Variants in IFT172 observed in about 807,000 individuals in gnomAD.
IFT172 encodes the protein intraflagellar transport protein 172 homolog.
IFT172 carries 164 observed loss-of-function variants against 248.9 expected under a neutral mutation model. The ratio of observed to expected loss-of-function variants is 0.66; its 90% confidence interval spans 0.58 to 0.75. IFT172 has a LOEUF of 0.75. IFT172 is among the 30% of genes least tolerant of loss of function. The probability of loss-of-function intolerance (pLI) is 0.00; values close to 1 mark genes in which losing one functional copy is unlikely to be tolerated. For synonymous variants in IFT172, 729 were observed against 791.6 expected (o/e 0.92, Z 1.33); for missense variants, 1,950 against 2,192.4 (o/e 0.89, Z 2.21).
chr2:27,477,461 T>C, intron 12 of IFT172, 98 bp downstream of exon 12: 2 of 1,212,324 alleles, frequency 1.6e-6, no homozygotes, highest in Non-Finnish European at 2.5e-6. Flanking sequence ...TGTTTCTTTA[T>C]CTGCTGTTTC....
At chr2:27,488,000 T>C (rs1273765778) in intron 1 of IFT172, among the ~76,000 whole-genome samples, 1 of 151,910 alleles carries the variant, frequency 6.6e-6, no homozygotes, top group African/African-American at 2.4e-5. Flanking sequence ...TATTTATTTT[T>C]AAGACACAGC....
Position 27,453,391 on chromosome 2 carries a change from C to T in IFT172, c.3944G>A (p.Trp1315Ter), listed in dbSNP as rs778898472. 2 of 1,614,210 alleles carry T rather than the reference C, an allele frequency of 1.2e-6. No individual in the cohort carries two copies. The highest frequency in any genetic ancestry group is 1.7e-6 in the Non-Finnish European group (2 of 1,180,042). Residue 1315 changes from tryptophan (W) to a stop codon, truncating the protein, a stop_gained, in exon 35 of 48, where the codon TGG becomes TAG. Coordinates refer to ENST00000260570, the MANE Select transcript of IFT172 (RefSeq NM_015662.3). LOFTEE classifies it high-confidence loss of function. ...AGGGCCTGCTGTCCTCACCTTCATCCAGCACTTCTCCGCCAGGCCGCTGTT... is the reference window on the plus strand; with the variant it reads ...AGGGCCTGCTGTCCTCACCTTCATCTAGCACTTCTCCGCCAGGCCGCTGTT... ...SGNSGLAEKC[W>*]MKAAELSIKF... is the part of the protein sequence containing the mutation.
At chr2:27,487,482 T>C (rs1198018365) in intron 1 of IFT172, among the ~76,000 whole-genome samples, 1 of 152,248 alleles carries the variant, frequency 6.6e-6, no homozygotes, top group Admixed American at 6.5e-5. Context: ...CTGAGGTAGA[T>C]GCTATTATTA....
Position 27,453,654 on chromosome 2 carries a change from C to G in IFT172, c.3797G>C (p.Arg1266Pro). 6.2e-7 allele frequency: 1 copy of G among 1,611,964 alleles called. No homozygotes were observed. The highest frequency in any genetic ancestry group is 2.2e-5 in the East Asian group (1 of 44,854). ...CCTGGCCCCCTTCTTAGTAGCTTCC[C>G]GCTCATATTCTTCCTGCAGAGCCTC... is the stretch of plus-strand genomic sequence containing the variant. ...QLEALQEEYE[R>P]EATKKGARGV... Residue 1266 changes from arginine to proline, a missense_variant, in exon 34 of 48, where the codon CGG becomes CCG. Physicochemically the swap from Arg to Pro is moderately radical, Grantham distance 103 (BLOSUM62 -2). Coordinates refer to ENST00000260570, the MANE Select transcript of IFT172 (RefSeq NM_015662.3).
Position 27,454,110 on chromosome 2 carries a change from C to G in IFT172, c.3583G>C (p.Asp1195His). The G allele has an allele frequency of 6.2e-7, 1 of 1,613,960 alleles. No individual in the cohort carries two copies. The highest frequency in any genetic ancestry group is 8.5e-7 in the Non-Finnish European group (1 of 1,179,972). The change falls in exon 33 of 48, where the codon GAC becomes CAC. Residue 1195 changes from aspartate to histidine, a missense_variant. Around this residue, in one of 3 missense-constraint regions of IFT172, gnomAD observed 620 missense variants for 699.0 expected, o/e 0.89. Transcript: ENST00000260570. This position sits in a 1 kb window ranked among gnomAD's most constrained non-coding sequence, Gnocchi z 4.2. ...AGCACCTCGGCGACACTGTCAGGGTCGTGAGCCTCAGCCACACGCTGAGCT... is the reference window on the plus strand; with the variant it reads ...AGCACCTCGGCGACACTGTCAGGGTGGTGAGCCTCAGCCACACGCTGAGCT... ...EAAQRVAEAH[D>H]PDSVAEVLVG...
intron 9 of IFT172, 135 bp downstream of exon 9, chr2:27,479,891 G>T: frequency 7.9e-7 from 1 of 1,263,156 alleles, no homozygotes; most frequent in Non-Finnish European, 1.1e-6. Flanking sequence ...TGCCTTTAAT[G>T]CCAGAATTTT....
chr2:27,461,822 C>T lies in IFT172; in HGVS notation c.2130G>A (p.Glu710=), dbSNP rs767432578. Residue 710 remains glutamate, a synonymous_variant, in exon 21 of 48, where the codon GAG becomes GAA. Transcript: ENST00000260570. ...GTAGCTCCTGGTACATGCCCATGGC[C>T]TCCTCCACAGCATTCTAGGGGAAAC... ...MIFLEQNAVE[E]AMGMYQELHR... is the part of the protein sequence containing the mutation. 6.2e-7 allele frequency: 1 copy of T among 1,614,130 alleles called. No individual in the cohort carries two copies. The highest frequency in any genetic ancestry group is 1.7e-5 in the Admixed American group (1 of 60,024).
At chr2:27,460,857 A>G (rs1182275372) in intron 23 of IFT172, among the ~76,000 whole-genome samples, 158 bp downstream of exon 23, 1 of 147,084 alleles carries the variant, frequency 6.8e-6, no homozygotes, top group African/African-American at 2.5e-5. Context: ...CTTTCTCTAT[A>G]CTTTGTCTCT....
intron 23 of IFT172, 67 bp from the exon 24 acceptor site, chr2:27,459,896 AG>A: frequency 6.3e-7 from 1 of 1,588,330 alleles, no homozygotes; most frequent in Non-Finnish European, 8.5e-7. Flanking sequence ...AAGGTAGGAC[AG>A]GGAGATGAAG....
At chr2:27,487,453 C>A (rs1254474881) in intron 1 of IFT172, among the ~76,000 whole-genome samples, 1 of 152,196 alleles carries the variant, frequency 6.6e-6, no homozygotes, top group Non-Finnish European at 1.5e-5. Context: ...CAAGCATAAT[C>A]TCATTTTACC....
At chr2:27,479,402 G>A (rs1195497254) in intron 10 of IFT172, 107 bp downstream of exon 10, 1 of 722,438 alleles carries the variant, frequency 1.4e-6, no homozygotes, top group Non-Finnish European at 2.5e-6. Flanking sequence ...CTTCCAGAGG[G>A]ATGAAGATTA....
At chr2:27,488,915 G>T (rs554032472) in intron 1 of IFT172, among the ~76,000 whole-genome samples, 1 of 152,210 alleles carries the variant, frequency 6.6e-6, no homozygotes, top group Non-Finnish European at 1.5e-5. Context: ...GCTAGCGCAC[G>T]TCTGTAATCC....
intron 1 of IFT172, among the ~76,000 whole-genome samples, chr2:27,487,341 AC>A (rs2148563135): frequency 6.6e-6 from 1 of 152,304 alleles, no homozygotes; most frequent in Admixed American, 6.5e-5. Context: ...TACAATATGT[AC>A]CTCACTAGAT....
rs913320299 is a variant in IFT172 at position 27,457,406 on chromosome 2, C to T, written c.3228+233G>A. Among the ~76,000 whole-genome samples, 3 of 152,094 alleles carry T rather than the reference C, an allele frequency of 2.0e-5. No individual in the cohort carries two copies. The South Asian group carries it at 6.2e-4, about 32-fold the overall frequency. ...GCAACATGGTGAAAACTTGTCTCTA[C>T]AAAAAAATTAAAAAATTAGCCAGCT... On this transcript the variant is annotated intron_variant, in intron 29 of 47. Transcript: ENST00000260570.
At chr2:27,473,180 A>G (rs1408559562) in intron 14 of IFT172, among the ~76,000 whole-genome samples, 2 of 151,622 alleles carry the variant, frequency 1.3e-5, no homozygotes, top group East Asian at 4.0e-4. Flanking sequence ...CAGCCTGGCC[A>G]ACATGGTGAA....
At chr2:27,469,701 A>G (rs530473092) in intron 16 of IFT172, among the ~76,000 whole-genome samples, 1 of 152,304 alleles carries the variant, frequency 6.6e-6, no homozygotes, top group East Asian at 1.9e-4. Context: ...GCATGGTGAC[A>G]GGTACCTGTA....
In IFT172 at chr2:27,468,862, GA is replaced by G. The variant is rs76677863; in HGVS notation, c.1692+2065del. ...ACACTCCGTCTCAAAAAAAAAAAAA[GA>G]AAAAAAAAAAGAGAAACCAAAGAGA... is the stretch of plus-strand genomic sequence containing the variant. On this transcript the variant is annotated intron_variant, in intron 16 of 47. Transcript: ENST00000260570. 2.0e-3 allele frequency among the ~76,000 whole-genome samples: 250 copies of G among 127,904 alleles called. 2 individuals are homozygous for G. Among genetic ancestry groups the G allele is most frequent in the African/African-American group, 6.0e-3 (210 of 34,796 alleles). 83.9% of individuals were successfully genotyped at this position (127,904 alleles called of 152,430 possible). A position where few individuals can be genotyped will look rare whatever the true frequency, so the allele number is the denominator to read the frequency against.
rs139560074 is a variant in IFT172, at chr2:27,449,331, C to T, written c.4274G>A (p.Gly1425Asp). Reference sequence around the variant, plus strand: ...TGTTTCAATGCACTTGTCCCACTGGCCCTGCTCCACATACAGGTCCAAAGC... The same window carrying T: ...TGTTTCAATGCACTTGTCCCACTGGTCCTGCTCCACATACAGGTCCAAAGC... ...IAALDLYVEQGQWDKCIETAT... is the reference protein window; with the variant it reads ...IAALDLYVEQDQWDKCIETAT... The change falls in exon 39 of 48, where the codon GGC becomes GAC. Residue 1425 changes from glycine to aspartate, a missense_variant. By Grantham distance (94) the Gly-to-Asp change is moderately conservative. Transcript: ENST00000260570. 1.7e-4 allele frequency: 267 copies of T among 1,614,096 alleles called. No individual in the cohort carries two copies. The African/African-American group carries it at 3.1e-3, about 19-fold the overall frequency.
chr2:27,466,373 T>A (rs910309569), intron 16 of IFT172, among the ~76,000 whole-genome samples: 1 of 152,194 alleles, frequency 6.6e-6, no homozygotes, highest in East Asian at 1.9e-4. Context: ...ACAGTTGTCC[T>A]GAAAGCAAAT....
Sources: allele counts gnomAD v4.1 joint callset (sites outside exome capture counted in the v4.1 genomes callset), GRCh38; gene constraint gnomAD v4.1.1; regional missense constraint gnomAD v4.1.1; non-coding constraint Gnocchi (gnomAD v3.1); transcripts MANE v1.5; gene names NCBI Gene and HGNC (gene_info 2026-07-23, HGNC 2026-07-21).